Variants in CAMK1D observed in about 807,000 individuals in gnomAD.
CAMK1D encodes calcium/calmodulin dependent protein kinase ID, also known as calcium/calmodulin-dependent protein kinase type 1D.
A neutral mutation model predicts 47.7 loss-of-function variants in CAMK1D; 9 were observed. The ratio of observed to expected loss-of-function variants is 0.19; its 90% CI spans 0.11 to 0.33. The LOEUF (loss-of-function observed/expected upper bound fraction) is 0.33, where lower values mean the gene tolerates loss of function less well. CAMK1D is among the 10% of genes least tolerant of loss of function. CAMK1D has a pLI of 1.00. For synonymous variants in CAMK1D, 184 were observed against 184.9 expected, an observed-to-expected ratio of 0.99 and a Z score of 0.04; for missense variants, 291 against 488.7, an observed-to-expected ratio of 0.60 and a Z score of 3.81.
intron 1 of CAMK1D, among the ~76,000 whole-genome samples, chr10:12,361,646 C>A (rs1232156258): frequency 6.7e-6 from 1 of 148,904 alleles, no homozygotes. Context: ...ACCTCTGCCT[C>A]CTGGGTTCAA....
At chr10:12,530,021 A>G (rs750495394) in intron 1 of CAMK1D, among the ~76,000 whole-genome samples, 1 of 152,202 alleles carries the variant, frequency 6.6e-6, no homozygotes, top group South Asian at 2.1e-4. Flanking sequence ...CCAACTGGCA[A>G]CCCTGTACGA....
chr10:12,393,296 G>A (rs1218485075), intron 1 of CAMK1D, among the ~76,000 whole-genome samples: 1 of 152,148 alleles, frequency 6.6e-6, no homozygotes, highest in Non-Finnish European at 1.5e-5. Context: ...CTCCCAAAGT[G>A]CTGAGATTAC....
chr10:12,717,279 T>G (rs180890484), intron 3 of CAMK1D, among the ~76,000 whole-genome samples: 3 of 152,316 alleles, frequency 2.0e-5, no homozygotes, highest in Admixed American at 2.0e-4. Flanking sequence ...TCTTAACTGC[T>G]TGTTCCTCTT....
intron 2 of CAMK1D, among the ~76,000 whole-genome samples, chr10:12,632,382 C>T (rs575532194): frequency 2.0e-5 from 3 of 152,208 alleles, no homozygotes; most frequent in East Asian, 3.9e-4. Context: ...TGGAGAACAG[C>T]AAGAGGGCCC....
At chr10:12,418,091 A>G (rs1247626882) in intron 1 of CAMK1D, among the ~76,000 whole-genome samples, 1 of 152,188 alleles carries the variant, frequency 6.6e-6, no homozygotes, top group Non-Finnish European at 1.5e-5. Flanking sequence ...GTGAGCCACC[A>G]CGCCTGGCCT....
intron 4 of CAMK1D, among the ~76,000 whole-genome samples, chr10:12,764,786 C>T (rs1836672889): frequency 6.6e-6 from 1 of 152,114 alleles, no homozygotes; most frequent in Admixed American, 6.6e-5. Flanking sequence ...AACTGATTGG[C>T]GACTTTACTT....
At chr10:12,636,543 GC>G (rs1839516593) in intron 2 of CAMK1D, among the ~76,000 whole-genome samples, 1 of 152,134 alleles carries the variant, frequency 6.6e-6, no homozygotes. Context: ...GCCCAGGCTG[GC>G]CTCAAACTCC....
At chr10:12,565,009 G>C (rs1837077631) in intron 2 of CAMK1D, among the ~76,000 whole-genome samples, 2 of 152,176 alleles carry the variant, frequency 1.3e-5, no homozygotes. Context: ...AGGAGTTTAA[G>C]ACCAGCCTGG....
intron 1 of CAMK1D, among the ~76,000 whole-genome samples, chr10:12,538,242 T>C (rs1029835831): frequency 6.6e-6 from 1 of 152,222 alleles, no homozygotes; most frequent in Admixed American, 6.5e-5. Flanking sequence ...TATCATTGCC[T>C]GTGACATTTA....
chr10:12,697,401 A>G (rs1833339153), intron 3 of CAMK1D, among the ~76,000 whole-genome samples: 1 of 152,040 alleles, frequency 6.6e-6, no homozygotes, highest in South Asian at 2.1e-4. Flanking sequence ...GAGAATGCAA[A>G]TATTTTTTTC....
In CAMK1D at chr10:12,791,169, C is replaced by G; in HGVS notation, c.577C>G (p.Leu193Val). 6 of 1,614,140 alleles carry G rather than the reference C, an allele frequency of 3.7e-6. No individual in the cohort carries two copies. The highest frequency in any genetic ancestry group is 5.1e-6 in the Non-Finnish European group (6 of 1,179,996). ...GTPGYVAPEV[L>V]AQKPYSKAVD... ...TTGTCTTTCTGCAGCTCCTGAAGTCCTCGCCCAGAAACCTTACAGCAAAGC... is the reference window on the plus strand; with the variant it reads ...TTGTCTTTCTGCAGCTCCTGAAGTCGTCGCCCAGAAACCTTACAGCAAAGC... The change falls in exon 6 of 11, where the codon CTC becomes GTC. Residue 193 changes from leucine (L) to valine (V), a missense_variant. Physicochemically the swap from Leu to Val is conservative, Grantham distance 32. This residue lies in a region of CAMK1D where 219 missense variants were observed against 424.3 expected (regional missense o/e 0.52). Coordinates refer to ENST00000619168, the MANE Select transcript of CAMK1D (RefSeq NM_153498.4).
Position 12,786,841 on chromosome 10 carries a change from G to A in CAMK1D, c.566-4317G>A, listed in dbSNP as rs755121847. 7.9e-5 allele frequency among the ~76,000 whole-genome samples: 12 copies of A among 152,158 alleles called. 1 individual carries two copies. The highest frequency in any genetic ancestry group is 6.5e-4 in the Admixed American group (10 of 15,272). ...GTGGCTGCAAGAATCTAAACATCTCGGCTGGGAATGGTGGCTCACGCCTGT... is the reference window on the plus strand; with the variant it reads ...GTGGCTGCAAGAATCTAAACATCTCAGCTGGGAATGGTGGCTCACGCCTGT... On this transcript the variant is annotated intron_variant, in intron 5 of 10. Coordinates refer to ENST00000619168, the MANE Select transcript of CAMK1D (RefSeq NM_153498.4).
chr10:12,504,259 C>G (rs1834802167), intron 1 of CAMK1D, among the ~76,000 whole-genome samples: 1 of 148,354 alleles, frequency 6.7e-6, no homozygotes, highest in Non-Finnish European at 1.5e-5. Context: ...CATCTAGGAG[C>G]TGGAGACCCA....
chr10:12,566,958 A>G (rs1283391883), intron 2 of CAMK1D, among the ~76,000 whole-genome samples: 2 of 152,152 alleles, frequency 1.3e-5, no homozygotes, highest in Admixed American at 6.5e-5. Context: ...TGCTGCTCCA[A>G]GCTGCCTCCA....
At chr10:12,432,557 G>A (rs2801463) in intron 1 of CAMK1D, among the ~76,000 whole-genome samples, 101,408 of 152,028 alleles carry the variant, frequency 0.67, 36,841 homozygotes, top group Non-Finnish European at 0.82. Flanking sequence ...ATGAGTTAAT[G>A]TGTGAATGAA....
chr10:12,782,140 A>G (rs969482147), intron 5 of CAMK1D, among the ~76,000 whole-genome samples: 1 of 152,086 alleles, frequency 6.6e-6, no homozygotes, highest in African/African-American at 2.4e-5. Context: ...GTGACTTTGG[A>G]TGGAAGACAG....
chr10:12,659,146 G>C (rs966438016), intron 2 of CAMK1D, among the ~76,000 whole-genome samples: 4 of 152,190 alleles, frequency 2.6e-5, no homozygotes, highest in African/African-American at 7.2e-5. Context: ...ACGTGAGCCA[G>C]TCCCCCTGTC....
rs994833465 is a variant in CAMK1D at position 12,666,706 on chromosome 10, A to G, written c.225-30A>G. ...AACATTTTCCTATCTAATCATACTC[A>G]CTATTTTGTGCGTCTATTTTTTTTT... On this transcript the variant is annotated intron_variant, in intron 2 of 10. Transcript: ENST00000619168. The G allele has an allele frequency of 1.9e-6, 3 of 1,552,706 alleles. No individual in the cohort carries two copies. In the African/African-American group the frequency reaches 4.1e-5, roughly 21 times the overall value.
intron 2 of CAMK1D, among the ~76,000 whole-genome samples, chr10:12,652,836 C>T (rs532277439): frequency 6.6e-6 from 1 of 152,326 alleles, no homozygotes; most frequent in African/African-American, 2.4e-5. Context: ...GTGTATTACA[C>T]ACCCCTCGTT....
Sources: gnomAD v4.1 joint callset for allele counts (sites outside exome capture counted in the v4.1 genomes callset) on GRCh38, gnomAD v4.1.1 for gene constraint, gnomAD v4.1.1 regional missense constraint, MANE v1.5 for transcripts, NCBI Gene and HGNC (gene_info 2026-07-23, HGNC 2026-07-21) for gene names.